RAB40C: variants seen among roughly 807,000 people sequenced by gnomAD.
The protein encoded by RAB40C is RAB40C, member RAS oncogene family.
Under a neutral mutation model 28.1 loss-of-function variants are expected in RAB40C, and 8 were observed. That is an observed-to-expected ratio of 0.28 (90% confidence interval 0.17 to 0.51). RAB40C has a LOEUF of 0.51. RAB40C is among the 20% of genes least tolerant of loss of function. The pLI is 0.97. For synonymous variants in RAB40C, 201 were observed against 171.7 expected (o/e 1.17, Z -1.34); for missense variants, 288 against 405.9 (o/e 0.71, Z 2.50).
upstream of RAB40C, chr16:589,707 C>G (rs1329352568): frequency 6.6e-6 from 1 of 151,592 alleles, no homozygotes; most frequent in Admixed American, 6.6e-5. Context: ...AGGGAATGAT[C>G]TTGGTGAACT....
At chr16:600,846 T>G (rs2036234171) in intron 1 of RAB40C, among the ~76,000 whole-genome samples, 1 of 152,262 alleles carries the variant, frequency 6.6e-6, no homozygotes, top group African/African-American at 2.4e-5. Flanking sequence ...GCCCAGGTTT[T>G]GCCTGTGGGG....
intron 1 of RAB40C, among the ~76,000 whole-genome samples, chr16:614,334 C>T (rs2036543544): frequency 1.0e-5 from 1 of 95,758 alleles, no homozygotes; most frequent in Non-Finnish European, 2.3e-5. Context: ...GAACTGCTAA[C>T]TCTGCCGCAT....
chr16:618,168 G>T, intron 2 of RAB40C, 32 bp from the exon 3 acceptor site: 2 of 1,605,676 alleles, frequency 1.2e-6, no homozygotes, highest in East Asian at 2.2e-5. Context: ...AGGGACCACA[G>T]TCCCGGCCCC....
intron 1 of RAB40C, among the ~76,000 whole-genome samples, chr16:607,551 C>A (rs1304887732): frequency 6.7e-6 from 1 of 150,130 alleles, no homozygotes; most frequent in Non-Finnish European, 1.5e-5. Context: ...CGCCTGTAAT[C>A]GCAGCACTTT....
chr16:596,195 G>A, intron 1 of RAB40C: 1 of 423,694 alleles, frequency 2.4e-6, no homozygotes, highest in Non-Finnish European at 4.8e-6. Context: ...CCTGCACGAT[G>A]AGCTAAATTG....
At chr16:602,859 C>G (rs926798958) in intron 1 of RAB40C, among the ~76,000 whole-genome samples, 1 of 152,182 alleles carries the variant, frequency 6.6e-6, no homozygotes. Flanking sequence ...TGTTAGCCAC[C>G]AAGCACAGCC....
At chr16:623,592 G>A (rs2036767418) in intron 3 of RAB40C, among the ~76,000 whole-genome samples, 1 of 148,380 alleles carries the variant, frequency 6.7e-6, no homozygotes, top group Non-Finnish European at 1.5e-5. Flanking sequence ...AGCGGAGATC[G>A]TGCGGCTGCA....
At chr16:615,911 G>A (rs1002527151) in intron 1 of RAB40C, among the ~76,000 whole-genome samples, 2 of 151,912 alleles carry the variant, frequency 1.3e-5, no homozygotes, top group Admixed American at 1.3e-4. Flanking sequence ...GTAGTGACCC[G>A]AGATTGTGGC....
chr16:591,448 C>T (rs560998540), intron 1 of RAB40C, among the ~76,000 whole-genome samples: 1 of 152,264 alleles, frequency 6.6e-6, no homozygotes, highest in African/African-American at 2.4e-5. Context: ...CTGTCTCGAG[C>T]GTGCACAGAT....
rs1450018548 is a variant in RAB40C, at chr16:618,263, A to G, written c.264+3A>G. 1.2e-6 allele frequency: 2 copies of G among 1,612,388 alleles called. No individual in the cohort carries two copies. Among genetic ancestry groups the G allele is most frequent in the Non-Finnish European group, 1.7e-6 (2 of 1,179,288 alleles). ...GGTCCTACTCCAGGGGCGCTCAGGT[A>G]AGACCAGCACCGCTCTTTCCATTGC... On this transcript the variant is annotated splice_donor_region_variant and intron_variant, in intron 3 of 5. Transcript: ENST00000248139.
intron 1 of RAB40C, among the ~76,000 whole-genome samples, chr16:602,206 T>C (rs1259094776): frequency 6.6e-6 from 1 of 151,910 alleles, no homozygotes; most frequent in Non-Finnish European, 1.5e-5. Flanking sequence ...GTAAAATAAT[T>C]GTGGAATGAA....
intron 1 of RAB40C, among the ~76,000 whole-genome samples, chr16:590,773 G>A (rs1475344203): frequency 1.3e-5 from 2 of 151,462 alleles, no homozygotes; most frequent in Non-Finnish European, 3.0e-5. Flanking sequence ...GGGTCCTAGA[G>A]AAGGTGTCAT....
intron 1 of RAB40C, among the ~76,000 whole-genome samples, chr16:599,174 A>T (rs762298490): frequency 3.0e-4 from 45 of 152,116 alleles, no homozygotes; most frequent in Admixed American, 2.9e-3. Context: ...GCTGCAGGGG[A>T]GGGGAGTATG....
Position 627,337 on chromosome 16 carries a change from C to T in RAB40C, c.566-5C>T, listed in dbSNP as rs528967258. The T allele has an allele frequency of 1.9e-6, 3 of 1,611,144 alleles. No homozygotes were observed. Among genetic ancestry groups the T allele is most frequent in the Non-Finnish European group, 2.5e-6 (3 of 1,178,674 alleles). On this transcript the variant is annotated splice_polypyrimidine_tract_variant and splice_region_variant and intron_variant, in intron 5 of 5. Transcript: ENST00000248139. ...CCATGGTCTGACACCCCCTCTGCCCCACAGTGTTCAGCCTGCAGGACCTCT... is the reference window on the plus strand; with the variant it reads ...CCATGGTCTGACACCCCCTCTGCCCTACAGTGTTCAGCCTGCAGGACCTCT...
intron 3 of RAB40C, chr16:624,270 C>T (rs1324993973): frequency 1.0e-6 from 1 of 985,428 alleles, no homozygotes; most frequent in Non-Finnish European, 1.2e-6. Context: ...CCCAGTCTCT[C>T]CACCTCCCCC....
intron 1 of RAB40C, among the ~76,000 whole-genome samples, chr16:599,604 G>A (rs573171612): frequency 1.8e-4 from 28 of 152,160 alleles, no homozygotes; most frequent in African/African-American, 5.3e-4. Flanking sequence ...ATCAGTCAGC[G>A]TGGATTCAGC....
At chr16:623,918 A>G in intron 3 of RAB40C, 3 of 982,744 alleles carry the variant, frequency 3.1e-6, no homozygotes, top group Non-Finnish European at 3.6e-6. Flanking sequence ...CCTGGCTGAC[A>G]GAGTGAGACC....
At chr16:624,423 C>T (rs1414228282) in intron 3 of RAB40C, 46 of 985,466 alleles carry the variant, frequency 4.7e-5, no homozygotes, top group Non-Finnish European at 5.1e-5. Context: ...TCTCCCTCAG[C>T]GAGAGGTGTC....
At position 618,342 on chromosome 16, in the gene RAB40C, A is replaced by G. The variant is rs977585711; in HGVS notation, c.264+82A>G. 6 of 1,370,094 alleles carry G rather than the reference A, an allele frequency of 4.4e-6. No individual in the cohort carries two copies. The African/African-American group carries it at 8.8e-5, about 20-fold the overall frequency. The allele number at this position is 1,370,094 out of a possible 1,614,324, so 84.9% of individuals were successfully genotyped here. ...TCTGAATGTGAGTTGTTGTCCTGTC[A>G]AACTCCCAAGGACTTTCTTTCTTTA... is the stretch of plus-strand genomic sequence containing the variant. On this transcript the variant is annotated intron_variant, in intron 3 of 5. Coordinates refer to ENST00000248139, the MANE Select transcript of RAB40C (RefSeq NM_021168.5).
Sources: gnomAD v4.1 joint callset for allele counts (sites outside exome capture counted in the v4.1 genomes callset) on GRCh38, gnomAD v4.1.1 for gene constraint, MANE v1.5 for transcripts, NCBI Gene and HGNC (gene_info 2026-07-23, HGNC 2026-07-21) for gene names.